MLLT10: variants seen among roughly 807,000 people sequenced by gnomAD.
MLLT10 encodes the protein protein AF-10.
A neutral mutation model predicts 129.1 loss-of-function variants in MLLT10; 30 were observed. The ratio of observed to expected loss-of-function variants is 0.23; its 90% CI spans 0.17 to 0.32. The LOEUF is 0.32. Among genes scored for constraint, MLLT10 ranks in the 10% least tolerant of loss-of-function variants. The pLI, the probability that MLLT10 is intolerant of heterozygous loss-of-function variation, is 1.00. For missense variants in MLLT10, 1,119 were observed against 1,268.3 expected (o/e 0.88, Z 1.79); for synonymous variants, 490 against 446.4 (o/e 1.10, Z -1.23).
At chr10:21,578,919 G>A (rs1299258651) in intron 3 of MLLT10, among the ~76,000 whole-genome samples, 5 of 152,186 alleles carry the variant, frequency 3.3e-5, no homozygotes, top group Non-Finnish European at 7.3e-5. Flanking sequence ...GAACTTAAGA[G>A]TTGAAAGTCT....
intron 22 of MLLT10, among the ~76,000 whole-genome samples, chr10:21,741,540 T>G (rs1240342260): frequency 6.6e-6 from 1 of 152,126 alleles, no homozygotes; most frequent in Non-Finnish European, 1.5e-5. Context: ...TTTTATAGAT[T>G]AGTAAAAGGA....
In MLLT10 at chr10:21,670,215, T is replaced by A. The variant is rs972062574; in HGVS notation, c.796-234T>A. 6.5e-4 allele frequency among the ~76,000 whole-genome samples: 99 copies of A among 152,328 alleles called. 1 individual carries two copies. The highest frequency in any genetic ancestry group is 2.3e-3 in the African/African-American group (97 of 41,584). On this transcript the variant is annotated intron_variant, in intron 9 of 22. Transcript: ENST00000307729. ...TTTACTAGTTGTTGCAATTTGATCC[T>A]GAAACAGCCATCTTTAAATTATGTA...
chr10:21,690,755 AT>A (rs1244226345), intron 13 of MLLT10, among the ~76,000 whole-genome samples: 1 of 151,858 alleles, frequency 6.6e-6, no homozygotes, highest in Admixed American at 6.6e-5. Flanking sequence ...CCTTCTGAAC[AT>A]TTTTTCTAAT....
chr10:21,626,090 G>A lies in MLLT10; in HGVS notation c.699+8883G>A. ...CTTCACTTCATCAGGTCCCTTTGTG[G>A]ACTCTTGCACCTAGCTCCCCTGTTT... is the stretch of plus-strand genomic sequence containing the variant. On this transcript the variant is annotated intron_variant, in intron 8 of 22. Coordinates refer to ENST00000307729, the MANE Select transcript of MLLT10 (RefSeq NM_001195626.3). 5 of 1,601,770 alleles carry A rather than the reference G, an allele frequency of 3.1e-6. No individual in the cohort carries two copies. The South Asian group carries it at 3.3e-5, about 11-fold the overall frequency.
intron 3 of MLLT10, among the ~76,000 whole-genome samples, chr10:21,544,125 A>G (rs777651773): frequency 2.6e-5 from 4 of 152,164 alleles, no homozygotes; most frequent in Non-Finnish European, 5.9e-5. Flanking sequence ...CTTTATGGGT[A>G]AGGATACTAT....
chr10:21,545,719 A>T (rs530322741), intron 3 of MLLT10, among the ~76,000 whole-genome samples: 1 of 152,310 alleles, frequency 6.6e-6, no homozygotes, highest in Non-Finnish European at 1.5e-5. Context: ...CCACGCTGGA[A>T]TCAGTGGTGC....
At chr10:21,609,636 C>T (rs1173122487) in intron 5 of MLLT10, among the ~76,000 whole-genome samples, 1 of 152,184 alleles carries the variant, frequency 6.6e-6, no homozygotes, top group African/African-American at 2.4e-5. Context: ...CTCTAGTTCA[C>T]TCTGTTAATC....
chr10:21,660,930 A>G lies in MLLT10; in HGVS notation c.795+9162A>G, dbSNP rs569391424. 7.3e-5 allele frequency among the ~76,000 whole-genome samples: 11 copies of G among 151,254 alleles called. No individual in the cohort carries two copies. In the East Asian group the frequency reaches 1.9e-3, roughly 27 times the overall value. On this transcript the variant is annotated intron_variant, in intron 9 of 22. Coordinates refer to ENST00000307729, the MANE Select transcript of MLLT10 (RefSeq NM_001195626.3). ...TTCTATCTTCTTTTCTAATATATTC[A>G]TTCAGTGCGATAAATTCCTCTTTAA...
intron 9 of MLLT10, among the ~76,000 whole-genome samples, chr10:21,661,035 T>C (rs1254131738): frequency 1.3e-5 from 2 of 152,216 alleles, no homozygotes; most frequent in Non-Finnish European, 2.9e-5. Flanking sequence ...TCTCTTTATA[T>C]TTCTTCTTTT....
At chr10:21,699,549 T>C (rs1456321758) in intron 13 of MLLT10, among the ~76,000 whole-genome samples, 2 of 152,200 alleles carry the variant, frequency 1.3e-5, no homozygotes, top group East Asian at 1.9e-4. Context: ...GGTTGACTTT[T>C]GTGTATGGTT....
At chr10:21,714,917 C>T (rs1486328443) in intron 14 of MLLT10, among the ~76,000 whole-genome samples, 1 of 151,948 alleles carries the variant, frequency 6.6e-6, no homozygotes, top group African/African-American at 2.4e-5. Flanking sequence ...TACCCAATCC[C>T]CCTGTATTAC....
intron 3 of MLLT10, among the ~76,000 whole-genome samples, chr10:21,569,360 T>C (rs1338911565): frequency 6.6e-6 from 1 of 151,862 alleles, no homozygotes; most frequent in Non-Finnish European, 1.5e-5. Flanking sequence ...TGGGCTCAAA[T>C]GATCCTCCCA....
At chr10:21,725,133 G>C (rs1348731444) in intron 14 of MLLT10, among the ~76,000 whole-genome samples, 1 of 152,202 alleles carries the variant, frequency 6.6e-6, no homozygotes, top group Non-Finnish European at 1.5e-5. Flanking sequence ...ATAGTGTGCA[G>C]GTTTTACTAA....
At chr10:21,559,603 T>C (rs1476003989) in intron 3 of MLLT10, among the ~76,000 whole-genome samples, 1 of 152,210 alleles carries the variant, frequency 6.6e-6, no homozygotes, top group Non-Finnish European at 1.5e-5. Flanking sequence ...ATTCTGTACC[T>C]TGTAAGCATA....
chr10:21,692,669 A>T (rs1278837387), intron 13 of MLLT10, among the ~76,000 whole-genome samples: 1 of 150,842 alleles, frequency 6.6e-6, no homozygotes, highest in East Asian at 1.9e-4. Flanking sequence ...CTTTTTCAGT[A>T]GAGATGAGAT....
At chr10:21,642,554 G>A (rs994596342) in intron 8 of MLLT10, among the ~76,000 whole-genome samples, 1 of 151,598 alleles carries the variant, frequency 6.6e-6, no homozygotes, top group African/African-American at 2.4e-5. Context: ...GTACTCGGGA[G>A]GATGAGGCAG....
chr10:21,596,662 T>A (rs1436781834), intron 5 of MLLT10, among the ~76,000 whole-genome samples: 1 of 152,104 alleles, frequency 6.6e-6, no homozygotes, highest in Non-Finnish European at 1.5e-5. Context: ...TTAAAATGTT[T>A]GAAAGAGTTT....
chr10:21,698,591 A>G (rs2054591406), intron 13 of MLLT10, among the ~76,000 whole-genome samples: 1 of 152,202 alleles, frequency 6.6e-6, no homozygotes, highest in Non-Finnish European at 1.5e-5. Flanking sequence ...AATACCTGAT[A>G]TTGGGATTGC....
chr10:21,652,432 A>G lies in MLLT10; in HGVS notation c.795+664A>G, dbSNP rs575082725. 6.6e-5 allele frequency among the ~76,000 whole-genome samples: 10 copies of G among 152,308 alleles called. No homozygotes were observed. In the East Asian group the frequency reaches 1.7e-3, roughly 26 times the overall value. The stretch of plus-strand genomic sequence containing the variant: ...GGTTAACTCAATTATATCATTTGTA[A>G]AGTGGGGGAAATTATTAATGAAATG... On this transcript the variant is annotated intron_variant, in intron 9 of 22. Coordinates refer to ENST00000307729, the MANE Select transcript of MLLT10 (RefSeq NM_001195626.3).
Sources: gnomAD v4.1 joint callset for allele counts (sites outside exome capture counted in the v4.1 genomes callset) on GRCh38, gnomAD v4.1.1 for gene constraint, MANE v1.5 for transcripts, NCBI Gene and HGNC (gene_info 2026-07-23, HGNC 2026-07-21) for gene names.